Variants in SKP1 observed in about 807,000 individuals in gnomAD.
SKP1 encodes S-phase kinase-associated protein 1.
SKP1 carries 1 observed loss-of-function variant against 21.5 expected under a neutral mutation model. The ratio of observed to expected loss-of-function variants is 0.05; its 90% CI spans 0.02 to 0.22. SKP1 has a LOEUF of 0.22. Among genes scored for constraint, SKP1 ranks in the 10% least tolerant of loss-of-function variants. SKP1 has a pLI of 1.00. For missense variants in SKP1, 70 were observed against 192.0 expected (o/e 0.36, Z 3.76); for synonymous variants, 59 against 59.3 (o/e 0.99, Z 0.03).
chr5:134,165,893 A>G (rs1366697337), intron 3 of SKP1, among the ~76,000 whole-genome samples: 2 of 150,772 alleles, frequency 1.3e-5, no homozygotes, highest in Admixed American at 6.6e-5. Flanking sequence ...AAACAAACAA[A>G]CACAAAAAAA....
rs1019498127 is a variant in SKP1 at position 134,149,547 on chromosome 5, T to A, written c.*8186A>T. 3.3e-5 allele frequency: 5 copies of A among 152,260 alleles called. No individual in the cohort carries two copies. Among genetic ancestry groups the A allele is most frequent in the African/African-American group, 1.2e-4 (5 of 41,462 alleles). The allele number at this position is 152,260 out of a possible 1,614,324, so 9.4% of individuals were successfully genotyped here. ...TTTTGTGTTTAAAGTATAAAGTCAT[T>A]TTCCAGAACAGCGTCTATTTAAAGT... is the stretch of plus-strand genomic sequence containing the variant. On this transcript the variant is annotated 3_prime_UTR_variant, in exon 6 of 6. Transcript: ENST00000353411.
intron 2 of SKP1, among the ~76,000 whole-genome samples, chr5:134,170,119 G>A (rs933537326): frequency 3.9e-5 from 6 of 152,010 alleles, no homozygotes; most frequent in Non-Finnish European, 5.9e-5. Flanking sequence ...CAGTGAGCCC[G>A]AGATTGCGCC....
chr5:134,157,809 G>T, intron 5 of SKP1, 41 bp from the exon 6 acceptor site: 1 of 1,612,806 alleles, frequency 6.2e-7, no homozygotes, highest in South Asian at 1.1e-5. Flanking sequence ...AACTTGAGTA[G>T]TCTTTCCTAA....
intron 3 of SKP1, among the ~76,000 whole-genome samples, chr5:134,165,979 G>A (rs1761323823): frequency 6.6e-6 from 1 of 151,894 alleles, no homozygotes; most frequent in Non-Finnish European, 1.5e-5. Flanking sequence ...GATCGTCTGA[G>A]GTCAGGAGTT....
chr5:134,172,565 C>T (rs1315626706), intron 2 of SKP1, among the ~76,000 whole-genome samples: 1 of 144,230 alleles, frequency 6.9e-6, no homozygotes, highest in African/African-American at 2.8e-5. Context: ...AAAGAGAAAG[C>T]TTGTTTAAAA....
chr5:134,170,561 C>T (rs1466029384), intron 2 of SKP1, among the ~76,000 whole-genome samples: 3 of 152,132 alleles, frequency 2.0e-5, no homozygotes, highest in African/African-American at 7.2e-5. Flanking sequence ...AAACCCATAA[C>T]CAGAGATACT....
intron 1 of SKP1, 130 bp from the exon 2 acceptor site, chr5:134,174,152 T>C (rs1761495152): frequency 1.6e-6 from 1 of 641,466 alleles, no homozygotes; most frequent in Admixed American, 2.8e-5. Context: ...TACATAACCC[T>C]GTAAAGCACT....
At chr5:134,165,238 T>C (rs527525016) in intron 3 of SKP1, among the ~76,000 whole-genome samples, 2 of 152,338 alleles carry the variant, frequency 1.3e-5, no homozygotes, top group South Asian at 4.1e-4. Flanking sequence ...ATCAATGTTA[T>C]GTATATTTTA....
At chr5:134,160,450 A>G (rs1262872595) in intron 4 of SKP1, among the ~76,000 whole-genome samples, 8 of 152,082 alleles carry the variant, frequency 5.3e-5, no homozygotes, top group Non-Finnish European at 1.2e-4. Context: ...CTGTCTAGTT[A>G]TATTAATTGA....
At chr5:134,172,049 A>C (rs1470300691) in intron 2 of SKP1, among the ~76,000 whole-genome samples, 1 of 152,244 alleles carries the variant, frequency 6.6e-6, no homozygotes, top group Non-Finnish European at 1.5e-5. Context: ...AGTCTCAAAA[A>C]AATAAATAAA....
chr5:134,170,892 G>A (rs1761426513), intron 2 of SKP1: 3 of 408,686 alleles, frequency 7.3e-6, no homozygotes, highest in South Asian at 3.6e-5. Context: ...GCCAAAGCAA[G>A]TATTTAGGCA....
At position 134,158,458 on chromosome 5, in the gene SKP1, G is replaced by A. The variant is rs972515155; in HGVS notation, c.453C>T (p.Ala151=). 1 of 1,613,760 alleles carries A rather than the reference G, an allele frequency of 6.2e-7. No individual in the cohort carries two copies. The highest frequency in any genetic ancestry group is 8.5e-7 in the Non-Finnish European group (1 of 1,179,940). ...GACAAAACTGTGTGCTACCTACCTG[G>A]GCTTCCTCCTCTTCAGTAAAGTCAT... ...IKNDFTEEEE[A]QVRKENQWCE... The change falls in exon 5 of 6, where the codon GCC becomes GCT. Residue 151 remains alanine (A), a synonymous_variant. Coordinates refer to ENST00000353411, the MANE Select transcript of SKP1 (RefSeq NM_170679.3).
At chr5:134,175,220 G>A (rs1331322685) in intron 1 of SKP1, 2 of 152,202 alleles carry the variant, frequency 1.3e-5, no homozygotes. Flanking sequence ...AAGCAAACAG[G>A]TTGTTAGGCA....
chr5:134,163,042 CTG>C (rs1228908445), intron 3 of SKP1, among the ~76,000 whole-genome samples: 1 of 151,674 alleles, frequency 6.6e-6, no homozygotes, highest in African/African-American at 2.4e-5. Flanking sequence ...TGGTGAAACC[CTG>C]TCTCTATGAA....
At position 134,156,190 on chromosome 5, in the gene SKP1, C is replaced by T. The variant is rs544338085; in HGVS notation, c.*1543G>A. The T allele has an allele frequency of 6.6e-6, 1 of 151,946 alleles. No homozygotes were observed. Among genetic ancestry groups the T allele is most frequent in the South Asian group, 2.1e-4 (1 of 4,806 alleles). The allele number at this position is 151,946 out of a possible 1,614,324, so 9.4% of individuals were successfully genotyped here. On this transcript the variant is annotated 3_prime_UTR_variant, in exon 6 of 6. Coordinates refer to ENST00000353411, the MANE Select transcript of SKP1 (RefSeq NM_170679.3). The stretch of plus-strand genomic sequence containing the variant: ...AGACAATTCAGCTAGGACTATACAC[C>T]GCTACCTTCCCCACTAAAACCAGGA...
Position 134,152,227 on chromosome 5 carries a change from C to G in SKP1, c.*5506G>C, listed in dbSNP as rs754387094. On this transcript the variant is annotated 3_prime_UTR_variant, in exon 6 of 6. Transcript: ENST00000353411. Reference sequence around the variant, plus strand: ...AAATTAAAAAAATTAGAATTTAGCTCACTCAAAAATTGCCCTGCCTAATGT... The same window carrying G: ...AAATTAAAAAAATTAGAATTTAGCTGACTCAAAAATTGCCCTGCCTAATGT... 4 of 111,624 alleles carry G rather than the reference C, an allele frequency of 3.6e-5. No individual in the cohort carries two copies. Among genetic ancestry groups the G allele is most frequent in the African/African-American group, 5.3e-5 (1 of 18,778 alleles). The allele number at this position is 111,624 out of a possible 1,614,324, so 6.9% of individuals were successfully genotyped here. A position where few individuals can be genotyped will look rare whatever the true frequency, so the allele number is the denominator to read the frequency against.
intron 3 of SKP1, among the ~76,000 whole-genome samples, chr5:134,163,596 C>G (rs1169294864): frequency 3.3e-5 from 5 of 151,880 alleles, no homozygotes; most frequent in Admixed American, 2.6e-4. Flanking sequence ...TCCGGACTAG[C>G]CTCGGCAACA....
intron 4 of SKP1, 53 bp from the exon 5 acceptor site, chr5:134,158,648 T>A (rs1214273760): frequency 1.8e-5 from 27 of 1,490,600 alleles, no homozygotes; most frequent in African/African-American, 2.8e-5. Flanking sequence ...TTAAACTAAA[T>A]CCAAAGTTAA....
intron 2 of SKP1, among the ~76,000 whole-genome samples, chr5:134,172,618 A>C (rs1230304444): frequency 6.6e-6 from 1 of 151,840 alleles, no homozygotes; most frequent in African/African-American, 2.4e-5. Flanking sequence ...TCATGCCTGT[A>C]ATGTGGCTCT....
Sources: gnomAD v4.1 joint callset for allele counts (sites outside exome capture counted in the v4.1 genomes callset) on GRCh38, gnomAD v4.1.1 for gene constraint, MANE v1.5 for transcripts, NCBI Gene and HGNC (gene_info 2026-07-23, HGNC 2026-07-21) for gene names.